ETNK2: variants seen among roughly 807,000 people sequenced by gnomAD.
ETNK2 encodes ethanolamine kinase-like protein.
In ETNK2, 33 loss-of-function variants were observed where a neutral mutation model predicts 46.2. The ratio of observed to expected loss-of-function variants is 0.71; its 90% CI spans 0.54 to 0.96. ETNK2 has a LOEUF of 0.96. Among genes scored for constraint, ETNK2 ranks in the 40% least tolerant of loss-of-function variants. The probability of loss-of-function intolerance (pLI) is 0.00; values close to 1 mark genes in which losing one functional copy is unlikely to be tolerated. For synonymous variants in ETNK2, 194 were observed against 209.0 expected, an observed-to-expected ratio of 0.93 and a Z score of 0.62; for missense variants, 445 against 509.7, an observed-to-expected ratio of 0.87 and a Z score of 1.22.
Position 204,151,992 on chromosome 1 carries a change from C to T in ETNK2, c.-140G>A, listed in dbSNP as rs1052897428. The T allele has an allele frequency of 1.3e-5, 12 of 900,134 alleles. No homozygotes were observed. Among genetic ancestry groups the T allele is most frequent in the Non-Finnish European group, 1.8e-5 (12 of 682,670 alleles). 55.8% of individuals were successfully genotyped at this position (900,134 alleles called of 1,614,324 possible). A position where few individuals can be genotyped will look rare whatever the true frequency, so the allele number is the denominator to read the frequency against. ...GAGCTGCCCGCTTCGATCGCCGGCT[C>T]GCGGCCCGCCGCCCACCGCCGACCC... On this transcript the variant is annotated 5_prime_UTR_variant, in exon 1 of 8. Transcript: ENST00000367202. This position sits in a 1 kb window ranked among gnomAD's most constrained non-coding sequence, Gnocchi z 8.0.
chr1:204,149,288 G>A (rs1490766691), intron 2 of ETNK2, among the ~76,000 whole-genome samples: 1 of 152,140 alleles, frequency 6.6e-6, no homozygotes, highest in African/African-American at 2.4e-5. Flanking sequence ...TGCTTACCCT[G>A]GATAGGGCCC....
chr1:204,136,521 C>G (rs974224012), intron 6 of ETNK2, among the ~76,000 whole-genome samples: 1 of 150,750 alleles, frequency 6.6e-6, no homozygotes, highest in African/African-American at 2.4e-5. Flanking sequence ...ATGAGCCTGG[C>G]CAACATTGTG....
intron 3 of ETNK2, among the ~76,000 whole-genome samples, chr1:204,146,373 C>T (rs1269439972): frequency 6.6e-6 from 1 of 152,148 alleles, no homozygotes; most frequent in Non-Finnish European, 1.5e-5. Flanking sequence ...GGAAATGTCC[C>T]CAACCCTGGT....
intron 3 of ETNK2, 42 bp downstream of exon 3, chr1:204,146,600 G>C (rs1465627661): frequency 2.2e-5 from 35 of 1,611,076 alleles, no homozygotes; most frequent in Non-Finnish European, 3.0e-5. Flanking sequence ...GGGGAAGGGA[G>C]ATCATATTAA....
chr1:204,146,807 A>G, intron 2 of ETNK2, 43 bp from the exon 3 acceptor site: 1 of 1,612,040 alleles, frequency 6.2e-7, no homozygotes, highest in Non-Finnish European at 8.5e-7. Flanking sequence ...GTGCTGGGAC[A>G]TTGCCTTCCC....
Position 204,132,081 on chromosome 1 carries a change from C to T in ETNK2, c.*103G>A. ...CTTCTCCCTGGACACCCATGTGTCCCCTCTCCCACCCTGTCCAAGGGTGTG... is the reference window on the plus strand; with the variant it reads ...CTTCTCCCTGGACACCCATGTGTCCTCTCTCCCACCCTGTCCAAGGGTGTG... On this transcript the variant is annotated 3_prime_UTR_variant, in exon 8 of 8. Transcript: ENST00000367202. The T allele has an allele frequency of 5.3e-6, 5 of 943,684 alleles. No individual in the cohort carries two copies. Among genetic ancestry groups the T allele is most frequent in the South Asian group, 1.4e-5 (1 of 71,424 alleles). The allele number at this position is 943,684 out of a possible 1,614,324, so 58.5% of individuals were successfully genotyped here.
At chr1:204,143,836 A>C (rs2102295829) in intron 3 of ETNK2, among the ~76,000 whole-genome samples, 1 of 152,134 alleles carries the variant, frequency 6.6e-6, no homozygotes, top group Non-Finnish European at 1.5e-5. Context: ...GTGATGGCCC[A>C]ACCCAGTTAT....
chr1:204,148,123 G>A (rs1657863719), intron 2 of ETNK2, among the ~76,000 whole-genome samples: 1 of 152,136 alleles, frequency 6.6e-6, no homozygotes. Context: ...AACATGTAGA[G>A]GGTGGTTCCT....
At chr1:204,136,991 G>A in intron 6 of ETNK2, 113 bp downstream of exon 6, 2 of 1,411,376 alleles carry the variant, frequency 1.4e-6, no homozygotes, top group African/African-American at 1.4e-5. Flanking sequence ...CCAGGGATGG[G>A]TGTCCCCAGG....
chr1:204,151,783 G>T lies in ETNK2; in HGVS notation c.70C>A (p.Gln24Lys), dbSNP rs1239095554. 1.3e-6 allele frequency: 2 copies of T among 1,506,050 alleles called. No homozygotes were observed. Among genetic ancestry groups the T allele is most frequent in the African/African-American group, 2.8e-5 (2 of 70,326 alleles). 93.3% of individuals were successfully genotyped at this position (1,506,050 alleles called of 1,614,324 possible). A position where few individuals can be genotyped will look rare whatever the true frequency, so the allele number is the denominator to read the frequency against. ...TTCTCCTCCATGCCCCATGAGCACT[G>T]CGGGCAAGGCGTGTGCCTCCTCAGG... ...FHLRRHTPCP[Q>K]CSWGMEEKAA... The change falls in exon 1 of 8, where the codon CAG (glutamine) becomes AAG (lysine). Residue 24 changes from glutamine to lysine, a missense_variant. Gln to Lys is a moderately conservative substitution (Grantham distance 53). Coordinates refer to ENST00000367202, the MANE Select transcript of ETNK2 (RefSeq NM_018208.4). This position sits in a 1 kb window ranked among gnomAD's most constrained non-coding sequence, Gnocchi z 8.0.
chr1:204,151,844 C>A lies in ETNK2; in HGVS notation c.9G>T (p.Val3=), dbSNP rs1177226117. Residue 3 remains valine (V), a synonymous_variant, in exon 1 of 8, where the codon GTG becomes GTT. Transcript: ENST00000367202. The surrounding 1 kb of genome is among the most constrained non-coding windows in gnomAD (Gnocchi z 8.0). MA[V]PPSAPQPRAS... is the part of the protein sequence containing the mutation. The stretch of plus-strand genomic sequence containing the variant: ...CGCGCGGCTGAGGGGCCGAAGGGGG[C>A]ACAGCCATTCCCAGCAGCCCCACCC... 7 of 1,449,178 alleles carry A rather than the reference C, an allele frequency of 4.8e-6. No homozygotes were observed. Among genetic ancestry groups the A allele is most frequent in the South Asian group, 1.5e-5 (1 of 68,068 alleles). 89.8% of individuals were successfully genotyped at this position (1,449,178 alleles called of 1,614,324 possible). A position where few individuals can be genotyped will look rare whatever the true frequency, so the allele number is the denominator to read the frequency against.
intron 4 of ETNK2, 122 bp from the exon 5 acceptor site, chr1:204,140,240 G>A: frequency 1.4e-6 from 1 of 720,094 alleles, no homozygotes; most frequent in Non-Finnish European, 2.5e-6. Flanking sequence ...CAGCAACCCT[G>A]CCCAATCCCA....
rs1261228742 is a variant in ETNK2, at chr1:204,151,656, C to T, written c.197G>A (p.Gly66Glu). 1.3e-6 allele frequency: 2 copies of T among 1,549,046 alleles called. No individual in the cohort carries two copies. Among genetic ancestry groups the T allele is most frequent in the Non-Finnish European group, 1.7e-6 (2 of 1,146,338 alleles). The part of the protein sequence containing the change: ...ISVDPDDILP[G>E]ALRLIQELRP... Reference sequence around the variant, plus strand: ...CAGCTCCTGGATGAGGCGCAGGGCCCCGGGAAGGATGTCGTCCGGGTCCAC... The same window carrying T: ...CAGCTCCTGGATGAGGCGCAGGGCCTCGGGAAGGATGTCGTCCGGGTCCAC... Residue 66 changes from glycine (G) to glutamate (E), a missense_variant, in exon 1 of 8, where the codon GGG (glycine) becomes GAG (glutamate). Physicochemically the swap from Gly to Glu is moderately conservative, Grantham distance 98. Transcript: ENST00000367202. This position sits in a 1 kb window ranked among gnomAD's most constrained non-coding sequence, Gnocchi z 8.0.
chr1:204,143,954 T>G (rs1451098253), intron 3 of ETNK2, among the ~76,000 whole-genome samples: 5 of 152,082 alleles, frequency 3.3e-5, no homozygotes, highest in Non-Finnish European at 7.4e-5. Context: ...TTTCCACAGG[T>G]GTCCGACACA....
At chr1:204,143,217 T>C (rs1657629406) in intron 3 of ETNK2, among the ~76,000 whole-genome samples, 1 of 151,980 alleles carries the variant, frequency 6.6e-6, no homozygotes, top group Non-Finnish European at 1.5e-5. Flanking sequence ...AGCTACCTTT[T>C]AAGATTCCTT....
chr1:204,151,677 T>TC lies in ETNK2; in HGVS notation c.175dup (p.Asp59GlyfsTer69). On this transcript the variant is annotated frameshift_variant, in exon 1 of 8. Transcript: ENST00000367202. LOFTEE classifies it high-confidence loss of function. This position sits in a 1 kb window ranked among gnomAD's most constrained non-coding sequence, Gnocchi z 8.0. Reference sequence around the variant, plus strand: ...GGCCCCGGGAAGGATGTCGTCCGGGTCCACGGAAATGCCGAAGTACGCGAC... The same window carrying TC: ...GGCCCCGGGAAGGATGTCGTCCGGGTCCCACGGAAATGCCGAAGTACGCGAC... 6.5e-7 allele frequency: 1 copy of TC among 1,547,832 alleles called. No homozygotes were observed. Among genetic ancestry groups the TC allele is most frequent in the Non-Finnish European group, 8.7e-7 (1 of 1,145,854 alleles).
chr1:204,139,229 G>A (rs1429297787), intron 5 of ETNK2, among the ~76,000 whole-genome samples: 1 of 152,196 alleles, frequency 6.6e-6, no homozygotes, highest in Non-Finnish European at 1.5e-5. Flanking sequence ...ACAGCTACTT[G>A]TAGCTTGTTC....
At chr1:204,132,601 A>AT (rs892969038) in intron 7 of ETNK2, among the ~76,000 whole-genome samples, 4 of 151,814 alleles carry the variant, frequency 2.6e-5, no homozygotes, top group African/African-American at 9.7e-5. Flanking sequence ...CCTGGCTAAT[A>AT]TTTGTATTTT....
In ETNK2 at chr1:204,149,917, C is replaced by A. The variant is rs530687373; in HGVS notation, c.304G>T (p.Glu102Ter). ...ITNKLVACYV[E>*]EDMQDCVLVR... Reference sequence around the variant, plus strand: ...AGCACGCAGTCCTGCATGTCCTCCTCCACATAGCAGGCCACCAGCTTGTTG... The same window carrying A: ...AGCACGCAGTCCTGCATGTCCTCCTACACATAGCAGGCCACCAGCTTGTTG... Residue 102 changes from glutamate to a stop codon, truncating the protein, a stop_gained, in exon 2 of 8, where the codon GAG becomes TAG. Coordinates refer to ENST00000367202, the MANE Select transcript of ETNK2 (RefSeq NM_018208.4). LOFTEE classifies it high-confidence loss of function. 10 of 1,565,070 alleles carry A rather than the reference C, an allele frequency of 6.4e-6. No homozygotes were observed. The highest frequency in any genetic ancestry group is 2.4e-5 in the East Asian group (1 of 41,788).
Sources: gnomAD v4.1 joint callset for allele counts (sites outside exome capture counted in the v4.1 genomes callset) on GRCh38, gnomAD v4.1.1 for gene constraint, Gnocchi (gnomAD v3.1) non-coding constraint, MANE v1.5 for transcripts, NCBI Gene and HGNC (gene_info 2026-07-23, HGNC 2026-07-21) for gene names.